GMPPB: variants seen among roughly 807,000 people sequenced by gnomAD.
The protein encoded by GMPPB is mannose-1-phosphate guanylyltransferase catalytic subunit beta.
Under a neutral mutation model 40.3 loss-of-function variants are expected in GMPPB, and 38 were observed. That is an observed-to-expected ratio of 0.94 (90% CI 0.73 to 1.24). The LOEUF is 1.24. Ranked by LOEUF, GMPPB falls within the 50% of genes most tolerant of loss-of-function variation. The pLI is 0.00. For missense variants in GMPPB, 436 were observed against 487.1 expected (o/e 0.90, Z 0.99); for synonymous variants, 193 against 191.8 (o/e 1.01, Z -0.05).
rs572000183 is a variant in GMPPB, at chr3:49,720,328, A to G, written c.*1424T>C. The G allele has an allele frequency of 1.3e-4, 63 of 502,348 alleles. No individual in the cohort carries two copies. The highest frequency in any genetic ancestry group is 2.0e-4 in the South Asian group (3 of 14,822). The allele number at this position is 502,348 out of a possible 1,614,324, so 31.1% of individuals were successfully genotyped here. A position where few individuals can be genotyped will look rare whatever the true frequency, so the allele number is the denominator to read the frequency against. ...GAGACTCGTCTCAAGAAAAAAAAAA[A>G]AAAAACAGGCTGTGTGGCACCTTAC... is the stretch of plus-strand genomic sequence containing the variant. On this transcript the variant is annotated 3_prime_UTR_variant, in exon 9 of 9. Transcript: ENST00000308388.
chr3:49,723,318 C>T lies in GMPPB; in HGVS notation c.211-16G>A, dbSNP rs752053591. On this transcript the variant is annotated splice_polypyrimidine_tract_variant and intron_variant, in intron 2 of 8. Coordinates refer to ENST00000308388, the MANE Select transcript of GMPPB (RefSeq NM_021971.4). ...GGATTCCCAGCTGGAAGGAAGAGGC[C>T]CCCCCAGTCAGGTTCTACCAGGATG... 1 of 1,614,162 alleles carries T rather than the reference C, an allele frequency of 6.2e-7. No individual in the cohort carries two copies. Among genetic ancestry groups the T allele is most frequent in the East Asian group, 2.2e-5 (1 of 44,882 alleles).
chr3:49,720,652 C>A lies in GMPPB; in HGVS notation c.*1100G>T. On this transcript the variant is annotated 3_prime_UTR_variant, in exon 9 of 9. Coordinates refer to ENST00000308388, the MANE Select transcript of GMPPB (RefSeq NM_021971.4). The stretch of plus-strand genomic sequence containing the variant: ...ACCGGAAGCGCTTCTCCCTGCAGAG[C>A]TGTGAGTGGGCTGGTGGGGCAGGTC... 2.5e-6 allele frequency: 4 copies of A among 1,598,540 alleles called. No individual in the cohort carries two copies. The highest frequency in any genetic ancestry group is 3.4e-6 in the Non-Finnish European group (4 of 1,169,194).
intron 1 of GMPPB, 32 bp downstream of exon 1, chr3:49,723,565 GA>G: frequency 6.2e-7 from 1 of 1,606,400 alleles, no homozygotes; most frequent in Non-Finnish European, 8.5e-7. Flanking sequence ...CGCCAGATCC[GA>G]ACGCGACTCT....
rs77599182 is a variant in GMPPB, at chr3:49,720,630, G to A, written c.*1122C>T. 2.4e-3 allele frequency: 3,870 copies of A among 1,601,558 alleles called. 29 individuals are homozygous for A. The highest frequency in any genetic ancestry group is 0.018 in the East Asian group (810 of 44,658). ...GGCACTGCTCTGCCAGCCCCTGACCGGAAGCGCTTCTCCCTGCAGAGCTGT... is the reference window on the plus strand; with the variant it reads ...GGCACTGCTCTGCCAGCCCCTGACCAGAAGCGCTTCTCCCTGCAGAGCTGT... On this transcript the variant is annotated 3_prime_UTR_variant, in exon 9 of 9. Coordinates refer to ENST00000308388, the MANE Select transcript of GMPPB (RefSeq NM_021971.4).
At position 49,720,661 on chromosome 3, in the gene GMPPB, G is replaced by C. The variant is rs375018446; in HGVS notation, c.*1091C>G. The C allele has an allele frequency of 2.5e-6, 4 of 1,596,324 alleles. No homozygotes were observed. Among genetic ancestry groups the C allele is most frequent in the Non-Finnish European group, 3.4e-6 (4 of 1,167,224 alleles). On this transcript the variant is annotated 3_prime_UTR_variant, in exon 9 of 9. Coordinates refer to ENST00000308388, the MANE Select transcript of GMPPB (RefSeq NM_021971.4). Reference sequence around the variant, plus strand: ...GCTTCTCCCTGCAGAGCTGTGAGTGGGCTGGTGGGGCAGGTCAGGGAAATC... The same window carrying C: ...GCTTCTCCCTGCAGAGCTGTGAGTGCGCTGGTGGGGCAGGTCAGGGAAATC...
rs2080423738 is a variant in GMPPB at position 49,722,153 on chromosome 3, A to G, written c.769-6T>C. Reference sequence around the variant, plus strand: ...CCGATGCGGGCACTTGGGTCCTGAGAGCGGTGGGAAAAATACAAGTGGGCC... The same window carrying G: ...CCGATGCGGGCACTTGGGTCCTGAGGGCGGTGGGAAAAATACAAGTGGGCC... On this transcript the variant is annotated splice_polypyrimidine_tract_variant and splice_region_variant and intron_variant, in intron 7 of 8. Coordinates refer to ENST00000308388, the MANE Select transcript of GMPPB (RefSeq NM_021971.4). 6.2e-7 allele frequency: 1 copy of G among 1,607,900 alleles called. No individual in the cohort carries two copies. Among genetic ancestry groups the G allele is most frequent in the Non-Finnish European group, 8.5e-7 (1 of 1,175,876 alleles).
chr3:49,721,347 C>G lies in GMPPB; in HGVS notation c.*405G>C, dbSNP rs74944821. ...CATCCTGGAACCTCCACCTTTGAAC[C>G]CAGAGCCAGGCTGGGCCCTATTTAT... On this transcript the variant is annotated 3_prime_UTR_variant, in exon 9 of 9. Transcript: ENST00000308388. The G allele has an allele frequency of 1.1e-3, 1,803 of 1,613,954 alleles. 24 individuals are homozygous for G. In the African/African-American group the frequency reaches 0.021, roughly 19 times the overall value.
Position 49,720,388 on chromosome 3 carries a change from G to A in GMPPB, c.*1364C>T, listed in dbSNP as rs903839912. 15 of 971,682 alleles carry A rather than the reference G, an allele frequency of 1.5e-5. No individual in the cohort carries two copies. Among genetic ancestry groups the A allele is most frequent in the Non-Finnish European group, 1.9e-5 (13 of 700,284 alleles). 60.2% of individuals were successfully genotyped at this position (971,682 alleles called of 1,614,324 possible). On this transcript the variant is annotated 3_prime_UTR_variant, in exon 9 of 9. Coordinates refer to ENST00000308388, the MANE Select transcript of GMPPB (RefSeq NM_021971.4). ...GGACTTGGGGTTTGGGAAGCAGGGAGACGGAAAGGATGCAGGGGGGGTGAT... is the reference window on the plus strand; with the variant it reads ...GGACTTGGGGTTTGGGAAGCAGGGAAACGGAAAGGATGCAGGGGGGGTGAT...
At position 49,723,674 on chromosome 3, in the gene GMPPB, G is replaced by C. The variant is rs1245350017; in HGVS notation, c.53C>G (p.Thr18Arg). ...CACCAGTGGCTTCGGGGTGCTCAGC[G>C]TCAGCGGCCGTAGCCGCGTCCCATA... ...GGYGTRLRPL[T>R]LSTPKPLVDF... Residue 18 changes from threonine to arginine, a missense_variant, in exon 1 of 9, where the codon ACG (threonine) becomes AGG (arginine). Physicochemically the swap from Thr to Arg is moderately conservative, Grantham distance 71. Transcript: ENST00000308388. The C allele has an allele frequency of 1.3e-6, 2 of 1,583,790 alleles. No individual in the cohort carries two copies. Among genetic ancestry groups the C allele is most frequent in the Non-Finnish European group, 1.7e-6 (2 of 1,167,498 alleles).
In GMPPB at chr3:49,721,172, T is replaced by C. The variant is rs1233407907; in HGVS notation, c.*580A>G. On this transcript the variant is annotated 3_prime_UTR_variant, in exon 9 of 9. Transcript: ENST00000308388. ...TACATGCAGGGCAGTCCTCATCCCC[T>C]CCCCTGTTGTAGAGCCTGTATCAAC... 2 of 1,613,954 alleles carry C rather than the reference T, an allele frequency of 1.2e-6. No individual in the cohort carries two copies. Among genetic ancestry groups the C allele is most frequent in the African/African-American group, 2.7e-5 (2 of 74,862 alleles).
chr3:49,720,825 G>A lies in GMPPB; in HGVS notation c.*927C>T. ...ATGCGGATTATATCAGTGCCGATGA[G>A]CTGGCCCAAGTGGAACAGATGCTGG... On this transcript the variant is annotated 3_prime_UTR_variant, in exon 9 of 9. Coordinates refer to ENST00000308388, the MANE Select transcript of GMPPB (RefSeq NM_021971.4). 6.2e-7 allele frequency: 1 copy of A among 1,614,196 alleles called. No homozygotes were observed. The highest frequency in any genetic ancestry group is 1.3e-5 in the African/African-American group (1 of 75,038).
Position 49,720,424 on chromosome 3 carries a change from C to T in GMPPB, c.*1328G>A. 4 of 1,369,330 alleles carry T rather than the reference C, an allele frequency of 2.9e-6. No homozygotes were observed. The highest frequency in any genetic ancestry group is 3.9e-6 in the Non-Finnish European group (4 of 1,027,232). The allele number at this position is 1,369,330 out of a possible 1,614,324, so 84.8% of individuals were successfully genotyped here. A position where few individuals can be genotyped will look rare whatever the true frequency, so the allele number is the denominator to read the frequency against. ...TGCAGGGGGGGTGATCATGTACGAG[C>T]CATGGCACTCCTCATTGGCAATCCC... On this transcript the variant is annotated 3_prime_UTR_variant, in exon 9 of 9. Transcript: ENST00000308388.
rs968188713 is a variant in GMPPB, at chr3:49,720,424, C to G, written c.*1328G>C. 1.5e-6 allele frequency: 2 copies of G among 1,369,214 alleles called. No homozygotes were observed. The highest frequency in any genetic ancestry group is 2.9e-5 in the African/African-American group (2 of 68,816). The allele number at this position is 1,369,214 out of a possible 1,614,324, so 84.8% of individuals were successfully genotyped here. A position where few individuals can be genotyped will look rare whatever the true frequency, so the allele number is the denominator to read the frequency against. ...TGCAGGGGGGGTGATCATGTACGAG[C>G]CATGGCACTCCTCATTGGCAATCCC... On this transcript the variant is annotated 3_prime_UTR_variant, in exon 9 of 9. Transcript: ENST00000308388.
In GMPPB at chr3:49,721,868, C is replaced by A. The variant is rs758284245; in HGVS notation, c.967G>T (p.Val323Leu). 4 of 1,614,042 alleles carry A rather than the reference C, an allele frequency of 2.5e-6. No individual in the cohort carries two copies. Among genetic ancestry groups the A allele is most frequent in the Admixed American group, 1.7e-5 (1 of 60,026 alleles). Reference protein sequence around the residue: ...RVGQWVRMENVTVLGEDVIVN... With the variant: ...RVGQWVRMENLTVLGEDVIVN... ...ATGACGTCCTCACCCAGCACTGTCACGTTCTCCATGCGTACCTCCAGGAGA... is the reference window on the plus strand; with the variant it reads ...ATGACGTCCTCACCCAGCACTGTCAAGTTCTCCATGCGTACCTCCAGGAGA... The change falls in exon 9 of 9, where the codon GTG (valine) becomes TTG (leucine). Residue 323 changes from valine to leucine, a missense_variant. By Grantham distance (32) the Val-to-Leu change is conservative. Coordinates refer to ENST00000308388, the MANE Select transcript of GMPPB (RefSeq NM_021971.4).
In GMPPB at chr3:49,722,018, G is replaced by A. The variant is rs1200271850; in HGVS notation, c.898C>T (p.His300Tyr). The part of the protein sequence containing the change: ...TVLRDARIRS[H>Y]SWLESCIVGW... ...ACAATGCAGGACTCAAGCCAGGAAT[G>A]GGAACGGATCCGGGCATCCCGCAGC... Residue 300 changes from histidine to tyrosine, a missense_variant, in exon 8 of 9, where the codon CAT (histidine) becomes TAT (tyrosine). Coordinates refer to ENST00000308388, the MANE Select transcript of GMPPB (RefSeq NM_021971.4). The A allele has an allele frequency of 6.2e-7, 1 of 1,612,992 alleles. No individual in the cohort carries two copies. The highest frequency in any genetic ancestry group is 8.5e-7 in the Non-Finnish European group (1 of 1,179,848).
chr3:49,722,950 G>A, intron 4 of GMPPB, 22 bp downstream of exon 4: 1 of 1,611,196 alleles, frequency 6.2e-7, no homozygotes, highest in Non-Finnish European at 8.5e-7. Context: ...AGTGTCAAGA[G>A]AGAGAAGACC....
chr3:49,720,568 A>T lies in GMPPB; in HGVS notation c.*1184T>A. 1 of 1,612,058 alleles carries T rather than the reference A, an allele frequency of 6.2e-7. No homozygotes were observed. Among genetic ancestry groups the T allele is most frequent in the South Asian group, 1.1e-5 (1 of 90,864 alleles). ...ATCCCTGCTTCCAGCTACGCTCAAT[A>T]TGCTATCTCCTGGGACAGCCAGAGC... On this transcript the variant is annotated 3_prime_UTR_variant, in exon 9 of 9. Coordinates refer to ENST00000308388, the MANE Select transcript of GMPPB (RefSeq NM_021971.4).
rs781132109 is a variant in GMPPB, at chr3:49,722,509, A to G, written c.563T>C (p.Leu188Pro). The change falls in exon 6 of 9, where the codon CTG becomes CCG. Residue 188 changes from leucine to proline, a missense_variant and splice_region_variant. By Grantham distance (98) the Leu-to-Pro change is moderately conservative (BLOSUM62 -3). Coordinates refer to ENST00000308388, the MANE Select transcript of GMPPB (RefSeq NM_021971.4). ...CTCCTTCTCAATGGACGTAGGCTGC[A>G]GCTGTGGGAGTGGGCAGCTTGTGAG... ...LSPAVLQRIQLQPTSIEKEVF... is the reference protein window; with the variant it reads ...LSPAVLQRIQPQPTSIEKEVF... 1.2e-6 allele frequency: 2 copies of G among 1,614,216 alleles called. No individual in the cohort carries two copies. Among genetic ancestry groups the G allele is most frequent in the Non-Finnish European group, 1.7e-6 (2 of 1,180,028 alleles).
rs1254665561 is a variant in GMPPB at position 49,722,460 on chromosome 3, C to T, written c.612G>A (p.Glu204=). 2.5e-6 allele frequency: 4 copies of T among 1,614,220 alleles called. No individual in the cohort carries two copies. The highest frequency in any genetic ancestry group is 1.3e-5 in the African/African-American group (1 of 75,058). The part of the protein sequence containing the change: ...EKEVFPIMAK[E]GQLYAMELQG... ...GTAACTCCATGGCATATAGCTGCCC[C>T]TCCTTGGCCATAATGGGGAAGACCT... The change falls in exon 6 of 9, where the codon GAG becomes GAA. Residue 204 remains glutamate, a synonymous_variant. Coordinates refer to ENST00000308388, the MANE Select transcript of GMPPB (RefSeq NM_021971.4).
Sources: gnomAD v4.1 joint callset for allele counts on GRCh38, gnomAD v4.1.1 for gene constraint, MANE v1.5 for transcripts, NCBI Gene and HGNC (gene_info 2026-07-23, HGNC 2026-07-21) for gene names.